The following PRKCH variants were observed in gnomAD, a reference collection of about 807,000 sequenced individuals.
PRKCH encodes the protein protein kinase C eta type.
Under a neutral mutation model 82.5 loss-of-function variants are expected in PRKCH, and 28 were observed. That is an observed-to-expected ratio of 0.34 (90% CI 0.25 to 0.47). The LOEUF (loss-of-function observed/expected upper bound fraction) is 0.47, where lower values mean the gene tolerates loss of function less well. Among genes scored for constraint, PRKCH ranks in the 20% least tolerant of loss-of-function variants. PRKCH has a pLI of 1.00. For missense variants in PRKCH, 705 were observed against 881.8 expected (o/e 0.80, Z 2.54); for synonymous variants, 322 against 327.4 (o/e 0.98, Z 0.18).
At chr14:61,394,776 T>A (rs2046747162) in intron 2 of PRKCH, among the ~76,000 whole-genome samples, 2 of 152,216 alleles carry the variant, frequency 1.3e-5, no homozygotes, top group African/African-American at 4.8e-5. Flanking sequence ...TGCAGTTGTG[T>A]CTTTCAGAGC....
intron 1 of PRKCH, among the ~76,000 whole-genome samples, chr14:61,368,881 G>A (rs943950796): frequency 1.3e-5 from 2 of 152,036 alleles, no homozygotes; most frequent in Non-Finnish European, 2.9e-5. Context: ...TTGTTTAAAG[G>A]ATGTTCATTC....
At chr14:61,544,494 T>C (rs1465243946) in intron 12 of PRKCH, 2 of 152,214 alleles carry the variant, frequency 1.3e-5, no homozygotes, top group South Asian at 4.1e-4. Flanking sequence ...CTTTCCACAA[T>C]CTAACCTGCC....
At chr14:61,424,197 A>G (rs58730899) in intron 2 of PRKCH, among the ~76,000 whole-genome samples, 2,728 of 152,324 alleles carry the variant, frequency 0.018, 93 homozygotes, top group African/African-American at 0.062. Context: ...GTATGTCTTT[A>G]TAGCAGTGTG....
chr14:61,520,440 T>C (rs1380840915), intron 10 of PRKCH, among the ~76,000 whole-genome samples: 1 of 152,202 alleles, frequency 6.6e-6, no homozygotes, highest in Non-Finnish European at 1.5e-5. Flanking sequence ...GAAGGAAAGA[T>C]TGATAACTGG....
At chr14:61,200,386 TGA>T (rs1332430525) in intron 1 of PRKCH, among the ~76,000 whole-genome samples, 110 of 131,582 alleles carry the variant, frequency 8.4e-4, no homozygotes, top group African/African-American at 3.3e-3. Flanking sequence ...AGTGAGTGAG[TGA>T]GTGTGTGTGT....
intron 1 of PRKCH, among the ~76,000 whole-genome samples, chr14:61,273,683 G>A (rs918429093): frequency 4.6e-5 from 7 of 152,178 alleles, no homozygotes; most frequent in African/African-American, 1.2e-4. Context: ...GATGGGATAC[G>A]CTGAGCATTT....
At chr14:61,379,391 A>T (rs2046467874) in intron 1 of PRKCH, among the ~76,000 whole-genome samples, 1 of 152,366 alleles carries the variant, frequency 6.6e-6, no homozygotes, top group East Asian at 1.9e-4. Flanking sequence ...GCCTCCTCAG[A>T]TTCAGAGTCT....
chr14:61,330,535 T>C (rs1198845031), intron 1 of PRKCH, among the ~76,000 whole-genome samples: 3 of 152,192 alleles, frequency 2.0e-5, no homozygotes, highest in African/African-American at 7.2e-5. Flanking sequence ...GTATAGATCA[T>C]AAAATAATCA....
intron 1 of PRKCH, among the ~76,000 whole-genome samples, chr14:61,338,601 T>A (rs1356877592): frequency 6.6e-6 from 1 of 152,152 alleles, no homozygotes; most frequent in Non-Finnish European, 1.5e-5. Context: ...ATGTCAGGAA[T>A]GTATTAATGA....
At chr14:61,268,188 G>C (rs1566800450) in intron 1 of PRKCH, among the ~76,000 whole-genome samples, 1 of 152,254 alleles carries the variant, frequency 6.6e-6, no homozygotes, top group East Asian at 1.9e-4. Context: ...CAGTGAGTCT[G>C]TCTAAGTGCC....
chr14:61,433,134 T>A (rs1397523731), intron 2 of PRKCH, among the ~76,000 whole-genome samples: 1 of 151,948 alleles, frequency 6.6e-6, no homozygotes, highest in Non-Finnish European at 1.5e-5. Flanking sequence ...ATCTTTGGTG[T>A]TGGATTTCAA....
intron 1 of PRKCH, among the ~76,000 whole-genome samples, chr14:61,347,239 TA>T (rs973712009): frequency 8.5e-5 from 13 of 152,370 alleles, no homozygotes; most frequent in African/African-American, 2.4e-4. Flanking sequence ...ATTACTTTTT[TA>T]AAATGCAATT....
At chr14:61,481,860 C>T (rs1015005676) in intron 9 of PRKCH, among the ~76,000 whole-genome samples, 13 of 152,158 alleles carry the variant, frequency 8.5e-5, no homozygotes, top group Non-Finnish European at 1.3e-4. Context: ...GCAGCTTCAG[C>T]AGCAGCTATC....
At chr14:61,453,196 A>G in intron 6 of PRKCH, 30 bp from the exon 7 acceptor site, 1 of 1,614,052 alleles carries the variant, frequency 6.2e-7, no homozygotes, top group Non-Finnish European at 8.5e-7. Flanking sequence ...TCCTTTCTGA[A>G]CATGGATTCT....
chr14:61,481,597 G>A (rs907906580), intron 9 of PRKCH, among the ~76,000 whole-genome samples: 1 of 152,182 alleles, frequency 6.6e-6, no homozygotes, highest in Non-Finnish European at 1.5e-5. Context: ...AAGCACATGT[G>A]ACTTTAGTTT....
At chr14:61,352,045 GT>G (rs1459784950) in intron 1 of PRKCH, among the ~76,000 whole-genome samples, 1 of 152,056 alleles carries the variant, frequency 6.6e-6, no homozygotes, top group African/African-American at 2.4e-5. Flanking sequence ...AATCTCAAGA[GT>G]AACAGCACAA....
intron 1 of PRKCH, among the ~76,000 whole-genome samples, chr14:61,350,360 T>C (rs2046055461): frequency 6.6e-6 from 1 of 152,196 alleles, no homozygotes; most frequent in Non-Finnish European, 1.5e-5. Flanking sequence ...TGTTTCTTTG[T>C]ATACAAACAG....
intron 1 of PRKCH, among the ~76,000 whole-genome samples, chr14:61,340,194 C>T (rs1038010076): frequency 2.0e-5 from 3 of 152,058 alleles, no homozygotes; most frequent in Non-Finnish European, 2.9e-5. Flanking sequence ...GCTGGCGAAG[C>T]CCAGGAGTGA....
In PRKCH at chr14:61,546,861, G is replaced by A. The variant is rs189051240; in HGVS notation, c.1762-882G>A. Among the ~76,000 whole-genome samples the A allele has an allele frequency of 1.6e-3, 250 of 152,246 alleles. 3 individuals are homozygous for A. Among genetic ancestry groups the A allele is most frequent in the Non-Finnish European group, 2.6e-4 (18 of 68,008 alleles). On this transcript the variant is annotated intron_variant, in intron 12 of 13. Coordinates refer to ENST00000332981, the MANE Select transcript of PRKCH (RefSeq NM_006255.5). ...TCTTTGAAATTGAGAACCACACTCC[G>A]GCCATGAAAAGTGAATTATCCTGTA...
Sources: gnomAD v4.1 joint callset for allele counts (sites outside exome capture counted in the v4.1 genomes callset) on GRCh38, gnomAD v4.1.1 for gene constraint, MANE v1.5 for transcripts, NCBI Gene and HGNC (gene_info 2026-07-23, HGNC 2026-07-21) for gene names.